The following WWTR1 variants were observed in gnomAD, a reference collection of about 807,000 sequenced individuals.
WWTR1 encodes the protein WW domain-containing transcription regulator protein 1.
WWTR1 carries 13 observed loss-of-function variants against 40.1 expected under a neutral mutation model. That is an observed-to-expected ratio of 0.32 (90% CI 0.21 to 0.52). WWTR1 has a LOEUF of 0.52. Among genes scored for constraint, WWTR1 ranks in the 20% least tolerant of loss-of-function variants. WWTR1 has a pLI of 0.97. For synonymous variants in WWTR1, 230 were observed against 210.1 expected (o/e 1.09, Z -0.82); for missense variants, 436 against 523.1 (o/e 0.83, Z 1.63).
chr3:149,594,739 C>T (rs1200156552), intron 2 of WWTR1, among the ~76,000 whole-genome samples: 1 of 150,262 alleles, frequency 6.7e-6, no homozygotes, highest in Non-Finnish European at 1.5e-5. Flanking sequence ...ACACACACCA[C>T]ACACACACAC....
At chr3:149,677,535 G>A (rs572337483) in intron 1 of WWTR1, among the ~76,000 whole-genome samples, 1 of 152,050 alleles carries the variant, frequency 6.6e-6, no homozygotes, top group Non-Finnish European at 1.5e-5. Context: ...GTCTCCTACG[G>A]TGTTCCCACA....
chr3:149,597,168 A>G (rs1051777711), intron 2 of WWTR1, among the ~76,000 whole-genome samples: 3 of 152,214 alleles, frequency 2.0e-5, no homozygotes, highest in Admixed American at 1.3e-4. Context: ...TGCCAATATT[A>G]GTATTTTATT....
chr3:149,689,565 G>A (rs907915161), intron 1 of WWTR1, among the ~76,000 whole-genome samples: 1 of 151,810 alleles, frequency 6.6e-6, no homozygotes, highest in Non-Finnish European at 1.5e-5. Flanking sequence ...CTTGCAGGCC[G>A]GGAAACAATG....
chr3:149,553,657 C>G (rs560611035), intron 3 of WWTR1, among the ~76,000 whole-genome samples: 2 of 152,172 alleles, frequency 1.3e-5, no homozygotes, highest in Non-Finnish European at 2.9e-5. Flanking sequence ...TAATGATATG[C>G]AACTGAAAGA....
intron 2 of WWTR1, among the ~76,000 whole-genome samples, chr3:149,619,410 CAGG>C (rs1740160454): frequency 6.6e-6 from 1 of 152,076 alleles, no homozygotes; most frequent in Admixed American, 6.6e-5. Context: ...TGCTTGAGGC[CAGG>C]AGTTCAAGAC....
chr3:149,521,104 AC>A (rs1735025127), intron 6 of WWTR1, 115 bp from the exon 7 acceptor site: 4 of 1,207,714 alleles, frequency 3.3e-6, no homozygotes, highest in South Asian at 1.6e-5. Context: ...CACATTATTG[AC>A]CCTTACTCAT....
rs1735008808 is a variant in WWTR1 at position 149,520,870 on chromosome 3, T to G, written c.1138A>C (p.Ile380Leu). Residue 380 changes from isoleucine to leucine, a missense_variant, in exon 7 of 7, where the codon ATC becomes CTC. By Grantham distance (5) the Ile-to-Leu change is conservative (BLOSUM62 2). Transcript: ENST00000360632. ...DLGTLESEDL[I>L]PLFNDVESAL... ...GACTCTACATCATTGAAGAGGGGGA[T>G]CAGGTCTTCAGATTCCAAAGTTCCT... 1.9e-6 allele frequency: 3 copies of G among 1,613,378 alleles called. No homozygotes were observed. The South Asian group carries it at 3.3e-5, about 18-fold the overall frequency.
chr3:149,685,928 G>C (rs1186807515), intron 1 of WWTR1, among the ~76,000 whole-genome samples: 1 of 152,146 alleles, frequency 6.6e-6, no homozygotes, highest in Non-Finnish European at 1.5e-5. Flanking sequence ...TTATTTGACA[G>C]ACTGCTTAGT....
intron 1 of WWTR1, among the ~76,000 whole-genome samples, chr3:149,682,303 G>A (rs1442376440): frequency 6.6e-6 from 1 of 152,172 alleles, no homozygotes; most frequent in Non-Finnish European, 1.5e-5. Flanking sequence ...CCAGGATAGT[G>A]AAAACTGTCA....
intron 2 of WWTR1, among the ~76,000 whole-genome samples, chr3:149,613,448 G>C (rs1739822230): frequency 6.6e-6 from 1 of 152,224 alleles, no homozygotes; most frequent in Non-Finnish European, 1.5e-5. Flanking sequence ...TGCTGGTTCA[G>C]AAACATTATC....
chr3:149,546,324 TA>T (rs1736363947), intron 3 of WWTR1, among the ~76,000 whole-genome samples: 1 of 152,240 alleles, frequency 6.6e-6, no homozygotes. Context: ...CAGTATTGTT[TA>T]TAATTGCAAA....
chr3:149,561,250 A>C (rs1376225779), intron 3 of WWTR1, among the ~76,000 whole-genome samples: 1 of 152,204 alleles, frequency 6.6e-6, no homozygotes, highest in African/African-American at 2.4e-5. Context: ...AAATTCACAA[A>C]AGGACTACTG....
In WWTR1 at chr3:149,572,962, T is replaced by C. The variant is rs557309752; in HGVS notation, c.470A>G (p.Lys157Arg). ...ATGATTCAGAGGCTGATTCATCGCC[T>C]TCCTAGGGTCTTGCCATGTGGTGAT... Reference protein sequence around the residue: ...EKITTWQDPRKAMNQPLNHMN... With the variant: ...EKITTWQDPRRAMNQPLNHMN... Residue 157 changes from lysine to arginine, a missense_variant, in exon 3 of 7, where the codon AAG (lysine) becomes AGG (arginine). Coordinates refer to ENST00000360632, the MANE Select transcript of WWTR1 (RefSeq NM_015472.6). The C allele has an allele frequency of 1.8e-5, 29 of 1,611,268 alleles. No individual in the cohort carries two copies. In the South Asian group the frequency reaches 3.2e-4, roughly 18 times the overall value.
At chr3:149,568,817 A>G (rs1737479939) in intron 3 of WWTR1, among the ~76,000 whole-genome samples, 1 of 152,148 alleles carries the variant, frequency 6.6e-6, no homozygotes, top group Non-Finnish European at 1.5e-5. Context: ...CCCAGGCTGG[A>G]GTGCAGTGGC....
chr3:149,526,508 A>G (rs1266121040), intron 5 of WWTR1, among the ~76,000 whole-genome samples: 3 of 152,176 alleles, frequency 2.0e-5, no homozygotes, highest in African/African-American at 7.2e-5. Flanking sequence ...GACACACGCC[A>G]GTTTCTGAAT....
At chr3:149,708,553 T>C (rs978346793) in intron 5 of WWTR1, among the ~76,000 whole-genome samples, 3 of 152,220 alleles carry the variant, frequency 2.0e-5, no homozygotes, top group Non-Finnish European at 4.4e-5. Flanking sequence ...AGGTATCTCA[T>C]ATAAGTGGAA....
At chr3:149,556,096 C>A (rs1736815381) in intron 3 of WWTR1, among the ~76,000 whole-genome samples, 1 of 152,218 alleles carries the variant, frequency 6.6e-6, no homozygotes, top group Non-Finnish European at 1.5e-5. Flanking sequence ...GGGGCCGGGA[C>A]CAGGTCCCTT....
At chr3:149,593,412 T>A (rs1738831248) in intron 2 of WWTR1, among the ~76,000 whole-genome samples, 1 of 151,892 alleles carries the variant, frequency 6.6e-6, no homozygotes, top group African/African-American at 2.4e-5. Flanking sequence ...AATTGCATGC[T>A]CATTGTAATT....
chr3:149,703,744 A>T (rs1715262860), upstream of WWTR1, among the ~76,000 whole-genome samples: 1 of 152,032 alleles, frequency 6.6e-6, no homozygotes, highest in Non-Finnish European at 1.5e-5. Flanking sequence ...TTCACAAGAG[A>T]TCTGGTTGTT....
Sources: gnomAD v4.1 joint callset for allele counts (sites outside exome capture counted in the v4.1 genomes callset) on GRCh38, gnomAD v4.1.1 for gene constraint, MANE v1.5 for transcripts, NCBI Gene and HGNC (gene_info 2026-07-23, HGNC 2026-07-21) for gene names.